Variants in SLC24A2 observed in about 807,000 individuals in gnomAD.
SLC24A2 encodes solute carrier family 24 member 2, also known as sodium/potassium/calcium exchanger 2.
Under a neutral mutation model 62.0 loss-of-function variants are expected in SLC24A2, and 36 were observed. That is an observed-to-expected ratio of 0.58 (90% confidence interval 0.44 to 0.77). The LOEUF is 0.77. Among genes scored for constraint, SLC24A2 ranks in the 30% least tolerant of loss-of-function variants. SLC24A2 has a pLI of 0.00. For synonymous variants in SLC24A2, 358 were observed against 294.0 expected, an observed-to-expected ratio of 1.22 and a Z score of -2.23; for missense variants, 846 against 817.9, an observed-to-expected ratio of 1.03 and a Z score of -0.42.
chr9:19,698,897 G>A (rs1277936792), intron 2 of SLC24A2, among the ~76,000 whole-genome samples: 4 of 152,144 alleles, frequency 2.6e-5, no homozygotes, highest in Non-Finnish European at 4.4e-5. Context: ...CATTTATAGT[G>A]GAAGACATGG....
chr9:19,783,082 C>T (rs569071562), intron 2 of SLC24A2, among the ~76,000 whole-genome samples: 83 of 152,170 alleles, frequency 5.5e-4, no homozygotes, highest in African/African-American at 1.8e-3. Context: ...AAAAATAATG[C>T]CAGTTCATGT....
At chr9:20,200,825 G>A in the SLC24A2 span, among the ~76,000 whole-genome samples, 3 of 152,154 alleles carry the variant, frequency 2.0e-5, no homozygotes, top group Non-Finnish European at 4.4e-5. Context: ...ATTTTTGGAA[G>A]CAACCAAAGC....
the SLC24A2 span, among the ~76,000 whole-genome samples, chr9:20,279,226 G>A: frequency 4.6e-5 from 7 of 152,176 alleles, no homozygotes; most frequent in Non-Finnish European, 7.3e-5. Context: ...AATCATATAA[G>A]CATATATTGT....
At chr9:19,997,226 A>C in the SLC24A2 span, among the ~76,000 whole-genome samples, 1 of 152,178 alleles carries the variant, frequency 6.6e-6, no homozygotes, top group East Asian at 1.9e-4. Context: ...CTAGATTTGC[A>C]ATAATCAGAC....
chr9:20,024,360 C>A, the SLC24A2 span, among the ~76,000 whole-genome samples: 12 of 152,316 alleles, frequency 7.9e-5, 1 homozygote, highest in African/African-American at 2.6e-4. Context: ...CAAACATACA[C>A]ACACACACAT....
chr9:20,167,317 TG>T, the SLC24A2 span, among the ~76,000 whole-genome samples: 10 of 152,136 alleles, frequency 6.6e-5, no homozygotes, highest in South Asian at 4.1e-4. Flanking sequence ...AAAAATTTTT[TG>T]TGTCTTTTAG....
intron 2 of SLC24A2, among the ~76,000 whole-genome samples, chr9:19,646,250 A>T (rs925461287): frequency 3.3e-5 from 5 of 152,188 alleles, no homozygotes; most frequent in African/African-American, 1.2e-4. Context: ...ACTAAAATAT[A>T]AGCCATTTCA....
the SLC24A2 span, among the ~76,000 whole-genome samples, chr9:20,115,516 C>A: frequency 1.3e-5 from 2 of 152,110 alleles, no homozygotes; most frequent in African/African-American, 4.8e-5. Flanking sequence ...CAAGCCAAAT[C>A]ATCACACTTT....
At chr9:19,696,617 G>A (rs1375474790) in intron 2 of SLC24A2, among the ~76,000 whole-genome samples, 1 of 152,020 alleles carries the variant, frequency 6.6e-6, no homozygotes, top group African/African-American at 2.4e-5. Context: ...TATATCTTTT[G>A]TATGTTTTAA....
chr9:19,813,518 C>T, the SLC24A2 span, among the ~76,000 whole-genome samples: 18 of 151,776 alleles, frequency 1.2e-4, no homozygotes, highest in African/African-American at 4.3e-4. Context: ...GGGGTTTTGC[C>T]TTGTTGGCCA....
At chr9:19,861,335 A>C in the SLC24A2 span, among the ~76,000 whole-genome samples, 1 of 152,244 alleles carries the variant, frequency 6.6e-6, no homozygotes, top group Admixed American at 6.5e-5. Context: ...GTATAAGACC[A>C]TCAAGGCAGT....
the SLC24A2 span, among the ~76,000 whole-genome samples, chr9:20,208,445 A>C: frequency 4.6e-5 from 7 of 152,190 alleles, no homozygotes. Flanking sequence ...TATTCATTGC[A>C]CATAAGCCTC....
chr9:19,764,835 T>C (rs1822461880), intron 2 of SLC24A2, among the ~76,000 whole-genome samples: 1 of 152,208 alleles, frequency 6.6e-6, no homozygotes, highest in Non-Finnish European at 1.5e-5. Flanking sequence ...ATAGCTGAGA[T>C]CAAGTCCTGA....
rs548655024 is a variant in SLC24A2 at position 19,550,278 on chromosome 9, A to C, written c.1348-10T>G. 6 of 1,613,644 alleles carry C rather than the reference A, an allele frequency of 3.7e-6. No homozygotes were observed. The highest frequency in any genetic ancestry group is 5.1e-6 in the Non-Finnish European group (6 of 1,179,778). On this transcript the variant is annotated splice_polypyrimidine_tract_variant and intron_variant, in intron 7 of 10. Coordinates refer to ENST00000341998, the MANE Select transcript of SLC24A2 (RefSeq NM_020344.4). ...CCTCCTCATCAGCGGTCTGTGGTAG[A>C]AAAAGAGGTAAAATTAAACAAACAA...
chr9:19,940,525 T>C, the SLC24A2 span, among the ~76,000 whole-genome samples: 2 of 152,142 alleles, frequency 1.3e-5, no homozygotes, highest in African/African-American at 4.8e-5. Flanking sequence ...TGCTCATGTC[T>C]CTCCCAAATT....
the SLC24A2 span, among the ~76,000 whole-genome samples, chr9:20,163,100 T>C: frequency 1.3e-5 from 2 of 152,144 alleles, no homozygotes; most frequent in African/African-American, 4.8e-5. Context: ...TCACAACTCC[T>C]ATTCAACATA....
intron 9 of SLC24A2, among the ~76,000 whole-genome samples, chr9:19,527,615 T>C (rs1211806232): frequency 2.0e-5 from 3 of 152,210 alleles, no homozygotes; most frequent in African/African-American, 7.2e-5. Flanking sequence ...CATCATCATT[T>C]ATGTAAAGTG....
rs1820708000 is a variant in SLC24A2, at chr9:19,711,278, G to A, written c.930+74659C>T. Among the ~76,000 whole-genome samples the A allele has an allele frequency of 2.0e-5, 3 of 152,340 alleles. No homozygotes were observed. In the South Asian group the frequency reaches 6.2e-4, roughly 32 times the overall value. ...TAATGCAATTGCTCTGACGGCTAAA[G>A]TTGTATGTGCTTGGATTTTCTTGAG... On this transcript the variant is annotated intron_variant, in intron 2 of 10. Coordinates refer to ENST00000341998, the MANE Select transcript of SLC24A2 (RefSeq NM_020344.4).
chr9:19,525,380 CTATT>C (rs1833385795), intron 9 of SLC24A2, among the ~76,000 whole-genome samples: 1 of 110,182 alleles, frequency 9.1e-6, no homozygotes, highest in African/African-American at 3.4e-5. Flanking sequence ...TTTTTTTTTC[CTATT>C]TCTTTACTTT....
Sources: allele counts gnomAD v4.1 joint callset (sites outside exome capture counted in the v4.1 genomes callset), GRCh38; gene constraint gnomAD v4.1.1; transcripts MANE v1.5; gene names NCBI Gene and HGNC (gene_info 2026-07-23, HGNC 2026-07-21).